The following PARP8 variants were observed in gnomAD, a reference collection of about 807,000 sequenced individuals.
PARP8 encodes the protein protein mono-ADP-ribosyltransferase PARP8.
In PARP8, 51 loss-of-function variants were observed where a neutral mutation model predicts 124.1. The observed-to-expected ratio is 0.41, with a 90% CI of 0.33 to 0.52. PARP8 has a LOEUF of 0.52. Ranked by LOEUF, PARP8 falls within the 20% of genes least tolerant of loss-of-function variation. The pLI, the probability that PARP8 is intolerant of heterozygous loss-of-function variation, is 0.21. For synonymous variants in PARP8, 391 were observed against 361.5 expected (o/e 1.08, Z -0.93); for missense variants, 860 against 1,018.9 (o/e 0.84, Z 2.12).
chr5:50,713,614 G>A (rs1420166383), intron 2 of PARP8, among the ~76,000 whole-genome samples: 1 of 151,428 alleles, frequency 6.6e-6, no homozygotes, highest in African/African-American at 2.4e-5. Flanking sequence ...CAGAATAATG[G>A]CCACCAAGAT....
chr5:50,683,219 G>A (rs1464383477), intron 2 of PARP8, among the ~76,000 whole-genome samples: 1 of 152,084 alleles, frequency 6.6e-6, no homozygotes, highest in Non-Finnish European at 1.5e-5. Flanking sequence ...TTTACTTTGA[G>A]GAAGTTGTTT....
intron 3 of PARP8, among the ~76,000 whole-genome samples, chr5:50,751,271 C>T (rs956775610): frequency 6.6e-6 from 1 of 152,112 alleles, no homozygotes; most frequent in African/African-American, 2.4e-5. Flanking sequence ...GGCTTTTTCA[C>T]ACTTTACGGG....
intron 2 of PARP8, among the ~76,000 whole-genome samples, chr5:50,748,877 C>G (rs1189998087): frequency 1.3e-5 from 2 of 152,168 alleles, no homozygotes; most frequent in East Asian, 3.8e-4. Context: ...GTCTTTCACT[C>G]AAATTGGGAA....
intron 14 of PARP8, among the ~76,000 whole-genome samples, chr5:50,814,766 C>A (rs1744901136): frequency 6.6e-6 from 1 of 152,114 alleles, no homozygotes; most frequent in South Asian, 2.1e-4. Context: ...GCTTCATCAG[C>A]TACCTAATGC....
intron 9 of PARP8, among the ~76,000 whole-genome samples, chr5:50,787,699 G>A (rs1013916936): frequency 5.3e-5 from 8 of 151,822 alleles, no homozygotes; most frequent in African/African-American, 1.9e-4. Context: ...CTTTAAACCA[G>A]TGAATAATGA....
At chr5:50,695,354 G>C (rs1407729268) in intron 2 of PARP8, among the ~76,000 whole-genome samples, 1 of 152,172 alleles carries the variant, frequency 6.6e-6, no homozygotes, top group Non-Finnish European at 1.5e-5. Context: ...GAAAATTACT[G>C]AAGTAACAAC....
At chr5:50,827,923 T>G (rs1580482215) in intron 19 of PARP8, 21 bp from the exon 20 acceptor site, 3 of 1,523,962 alleles carry the variant, frequency 2.0e-6, no homozygotes, top group Non-Finnish European at 2.7e-6. Context: ...TGTTTTTGTT[T>G]GTCTTTATCT....
chr5:50,748,556 C>A lies in PARP8; in HGVS notation c.147-1595C>A, dbSNP rs536618123. On this transcript the variant is annotated intron_variant, in intron 2 of 25. Coordinates refer to ENST00000281631, the MANE Select transcript of PARP8 (RefSeq NM_024615.4). ...CTTATACTGCAGGTCTGCTGGGGAC[C>A]AATTTTCACAATTTTCTTTTATCTG... 1.0e-3 allele frequency among the ~76,000 whole-genome samples: 159 copies of A among 152,194 alleles called. 5 individuals are homozygous for A. The South Asian group carries it at 0.032, about 31-fold the overall frequency.
chr5:50,727,410 C>T (rs1756538866), intron 2 of PARP8, among the ~76,000 whole-genome samples: 1 of 152,104 alleles, frequency 6.6e-6, no homozygotes, highest in African/African-American at 2.4e-5. Context: ...CAAACTTTGT[C>T]CCTGTTTTCA....
At chr5:50,791,804 A>G (rs1741987891) in intron 10 of PARP8, among the ~76,000 whole-genome samples, 1 of 152,220 alleles carries the variant, frequency 6.6e-6, no homozygotes, top group Non-Finnish European at 1.5e-5. Context: ...AAAATTAGGT[A>G]TAAATTTTTT....
At chr5:50,668,197 G>C (rs1206337972) in intron 2 of PARP8, 72 bp downstream of exon 2, 62 of 1,388,314 alleles carry the variant, frequency 4.5e-5, no homozygotes, top group Non-Finnish European at 5.9e-5. Flanking sequence ...AGCGTGTTCC[G>C]TGTTCGGGTA....
At chr5:50,799,198 A>G (rs1379686539) in intron 14 of PARP8, among the ~76,000 whole-genome samples, 2 of 152,216 alleles carry the variant, frequency 1.3e-5, no homozygotes, top group South Asian at 2.1e-4. Flanking sequence ...TTCACGATTT[A>G]TGTCTTACAT....
chr5:50,837,418 G>A (rs919077526), intron 25 of PARP8, among the ~76,000 whole-genome samples: 2 of 152,078 alleles, frequency 1.3e-5, no homozygotes, highest in Non-Finnish European at 2.9e-5. Flanking sequence ...CTAATGTGTG[G>A]TAACACCTAG....
chr5:50,699,978 C>T (rs966935020), intron 2 of PARP8, among the ~76,000 whole-genome samples: 1 of 152,072 alleles, frequency 6.6e-6, no homozygotes, highest in African/African-American at 2.4e-5. Context: ...GATAGCATGA[C>T]TCATGGAACC....
chr5:50,699,877 G>A (rs146671214), intron 2 of PARP8, among the ~76,000 whole-genome samples: 2 of 152,244 alleles, frequency 1.3e-5, no homozygotes, highest in Non-Finnish European at 2.9e-5. Flanking sequence ...GCTGAGGCCT[G>A]TTGGTTTCTA....
At position 50,824,560 on chromosome 5, in the gene PARP8, T is replaced by C. The variant is rs139428714; in HGVS notation, c.1861-348T>C. Among the ~76,000 whole-genome samples, 278 of 151,898 alleles carry C rather than the reference T, an allele frequency of 1.8e-3. 1 individual carries two copies. The highest frequency in any genetic ancestry group is 6.3e-3 in the African/African-American group (263 of 41,438). ...GGTTTGGCAAAGTGGGTTGGTACAA[T>C]ATACATTTTGTGGTTTGGGAGCATC... On this transcript the variant is annotated intron_variant, in intron 17 of 25. Transcript: ENST00000281631.
chr5:50,809,534 G>T (rs1744212162), intron 14 of PARP8, among the ~76,000 whole-genome samples: 1 of 151,920 alleles, frequency 6.6e-6, no homozygotes, highest in Non-Finnish European at 1.5e-5. Flanking sequence ...AGCTTCTCCA[G>T]GTTCCCTTAT....
chr5:50,744,859 T>C, intron 2 of PARP8: 1 of 678,776 alleles, frequency 1.5e-6, no homozygotes, highest in Non-Finnish European at 2.7e-6. Context: ...TCACTTATGC[T>C]TCTTGACAAT....
At chr5:50,695,494 G>T (rs1752928711) in intron 2 of PARP8, among the ~76,000 whole-genome samples, 1 of 152,144 alleles carries the variant, frequency 6.6e-6, no homozygotes. Context: ...GCCGTAATTT[G>T]TACTAATAAT....
Sources: allele counts gnomAD v4.1 joint callset (sites outside exome capture counted in the v4.1 genomes callset), GRCh38; gene constraint gnomAD v4.1.1; transcripts MANE v1.5; gene names NCBI Gene and HGNC (gene_info 2026-07-23, HGNC 2026-07-21).